Variants in TCEANC2 observed in about 807,000 individuals in gnomAD.
The protein encoded by TCEANC2 is transcription elongation factor A N-terminal and central domain containing 2.
In TCEANC2, 20 loss-of-function variants were observed where a neutral mutation model predicts 22.8. The ratio of observed to expected loss-of-function variants is 0.88; its 90% CI spans 0.62 to 1.28. TCEANC2 has a LOEUF of 1.28. TCEANC2 is among the 50% of genes most tolerant of loss of function. The pLI, the probability that TCEANC2 is intolerant of heterozygous loss-of-function variation, is 0.00. For synonymous variants in TCEANC2, 84 were observed against 95.5 expected, an observed-to-expected ratio of 0.88 and a Z score of 0.70; for missense variants, 251 against 249.7, an observed-to-expected ratio of 1.01 and a Z score of -0.03.
At chr1:54,106,647 A>G (rs1481736249), downstream of TCEANC2, among the ~76,000 whole-genome samples, 1 of 152,194 alleles carries the variant, frequency 6.6e-6, no homozygotes, top group Non-Finnish European at 1.5e-5. Context: ...CTGACATGGG[A>G]ACATCACTGA....
intron 3 of TCEANC2, among the ~76,000 whole-genome samples, chr1:54,081,939 G>A (rs1181260989): frequency 6.6e-6 from 1 of 152,170 alleles, no homozygotes; most frequent in Non-Finnish European, 1.5e-5. Context: ...TTCTGATTTT[G>A]GAATACCAAG....
At chr1:54,111,184 A>C (rs1658833285) in exon 5 of TCEANC2, 1 of 152,238 alleles carries the variant, frequency 6.6e-6, no homozygotes, top group Non-Finnish European at 1.5e-5. Flanking sequence ...CCGTGCCTCC[A>C]GGCTGGCCTC....
rs564895058 is a variant in TCEANC2, at chr1:54,081,793, G to C, written c.245-6804G>C. ...TGGCTGGTGTTGACAGAACACTCCT[G>C]ACCAGTCTGGGCATGGCTCTTGTGG... On this transcript the variant is annotated intron_variant, in intron 3 of 4. Transcript: ENST00000234827. Among the ~76,000 whole-genome samples, 184 of 152,300 alleles carry C rather than the reference G, an allele frequency of 1.2e-3. 1 individual carries two copies. Among genetic ancestry groups the C allele is most frequent in the Non-Finnish European group, 1.3e-3 (91 of 68,028 alleles).
intron 3 of TCEANC2, among the ~76,000 whole-genome samples, chr1:54,084,829 T>C (rs1658309761): frequency 6.6e-6 from 1 of 152,178 alleles, no homozygotes; most frequent in African/African-American, 2.4e-5. Flanking sequence ...TACGATCTTA[T>C]TTATCATTTT....
chr1:54,069,398 A>G (rs368778684), intron 3 of TCEANC2, among the ~76,000 whole-genome samples: 1 of 152,192 alleles, frequency 6.6e-6, no homozygotes, highest in South Asian at 2.1e-4. Flanking sequence ...ACTTGAGGTC[A>G]GGAGTCCAAG....
intron 2 of TCEANC2, among the ~76,000 whole-genome samples, chr1:54,055,480 T>C (rs1397234527): frequency 6.6e-6 from 1 of 152,252 alleles, no homozygotes; most frequent in Non-Finnish European, 1.5e-5. Context: ...TCATTTTCTT[T>C]TACCAATTCT....
At chr1:54,094,782 G>A (rs1230152708) in intron 4 of TCEANC2, among the ~76,000 whole-genome samples, 1 of 152,232 alleles carries the variant, frequency 6.6e-6, no homozygotes, top group African/African-American at 2.4e-5. Flanking sequence ...AAAAAAGGAA[G>A]TGAGAGAGAG....
chr1:54,066,032 G>A (rs1382847859), intron 2 of TCEANC2, among the ~76,000 whole-genome samples: 2 of 151,854 alleles, frequency 1.3e-5, no homozygotes, highest in African/African-American at 2.4e-5. Flanking sequence ...GCAGTGAGCC[G>A]AGATTGTGCC....
At chr1:54,054,212 A>G (rs781713832) in intron 1 of TCEANC2, 169 bp from the exon 2 acceptor site, 8 of 1,432,710 alleles carry the variant, frequency 5.6e-6, no homozygotes, top group Admixed American at 2.9e-5. Context: ...TACAGTTTCA[A>G]TTCTTCGGAA....
intron 3 of TCEANC2, among the ~76,000 whole-genome samples, chr1:54,080,885 C>T (rs1258547572): frequency 1.3e-5 from 2 of 152,172 alleles, no homozygotes; most frequent in Non-Finnish European, 2.9e-5. Flanking sequence ...CAAATAATGA[C>T]TTTTTGCAGA....
At chr1:54,054,893 C>T (rs1235551394) in intron 2 of TCEANC2, among the ~76,000 whole-genome samples, 1 of 152,248 alleles carries the variant, frequency 6.6e-6, no homozygotes, top group Admixed American at 6.5e-5. Context: ...TGTTCTCTCA[C>T]ATCTGTCACA....
At position 54,096,368 on chromosome 1, in the gene TCEANC2, G is replaced by A. The variant is rs1658552382; in HGVS notation, c.522G>A (p.Thr174=). Residue 174 remains threonine (T), a synonymous_variant, in exon 5 of 5, where the codon ACG becomes ACA. Coordinates refer to ENST00000234827, the MANE Select transcript of TCEANC2 (RefSeq NM_153035.3). This position sits in a 1 kb window ranked among gnomAD's most constrained non-coding sequence, Gnocchi z 4.9. ...TCATTAATGGGCCGTACCGGCGGAC[G>A]GTGAGAGCCCTGGTCTTCACATTAA... ...SRLINGPYRR[T]VRALVFTLKH... 6.2e-7 allele frequency: 1 copy of A among 1,613,116 alleles called. No homozygotes were observed. Among genetic ancestry groups the A allele is most frequent in the South Asian group, 1.1e-5 (1 of 91,074 alleles).
chr1:54,067,148 T>C (rs1027809591), intron 2 of TCEANC2, among the ~76,000 whole-genome samples: 13 of 152,232 alleles, frequency 8.5e-5, no homozygotes, highest in African/African-American at 2.9e-4. Context: ...AGAGAGTGGC[T>C]GACTGATGTC....
intron 3 of TCEANC2, among the ~76,000 whole-genome samples, chr1:54,077,129 A>G (rs58966590): frequency 0.25 from 37,743 of 151,986 alleles, 6,704 homozygotes; most frequent in African/African-American, 0.51. Context: ...CAGGGAGAAC[A>G]GGCTGGATTT....
chr1:54,058,761 A>G (rs2100353376), intron 2 of TCEANC2, among the ~76,000 whole-genome samples: 1 of 152,230 alleles, frequency 6.6e-6, no homozygotes, highest in East Asian at 1.9e-4. Context: ...GGTTGAAGCG[A>G]TTCTCCTGCC....
chr1:54,070,733 C>A (rs754254887), intron 3 of TCEANC2, among the ~76,000 whole-genome samples: 1 of 152,184 alleles, frequency 6.6e-6, no homozygotes, highest in Non-Finnish European at 1.5e-5. Context: ...TTTCTTCAAC[C>A]TTTAGTCTTC....
intron 3 of TCEANC2, among the ~76,000 whole-genome samples, chr1:54,077,643 T>C (rs1387909899): frequency 1.3e-5 from 2 of 152,196 alleles, no homozygotes; most frequent in Admixed American, 1.3e-4. Flanking sequence ...CTTTATTTTT[T>C]TATTTGCTAG....
intron 4 of TCEANC2, among the ~76,000 whole-genome samples, chr1:54,092,534 G>T (rs1433829624): frequency 6.6e-6 from 1 of 152,206 alleles, no homozygotes; most frequent in African/African-American, 2.4e-5. Context: ...ACATGGGAAG[G>T]AAGGGCATTC....
intron 2 of TCEANC2, among the ~76,000 whole-genome samples, chr1:54,061,745 G>A (rs1359874586): frequency 2.7e-5 from 4 of 147,514 alleles, no homozygotes; most frequent in Admixed American, 2.6e-4. Flanking sequence ...TAGATAGGGT[G>A]AGCTGGAAAA....
Sources: gnomAD v4.1 joint callset for allele counts (sites outside exome capture counted in the v4.1 genomes callset) on GRCh38, gnomAD v4.1.1 for gene constraint, Gnocchi (gnomAD v3.1) non-coding constraint, MANE v1.5 for transcripts, NCBI Gene and HGNC (gene_info 2026-07-23, HGNC 2026-07-21) for gene names.